The following EPB41L4A variants were observed in gnomAD, a reference collection of about 807,000 sequenced individuals.
EPB41L4A encodes the protein band 4.1-like protein 4A.
Under a neutral mutation model 108.6 loss-of-function variants are expected in EPB41L4A, and 100 were observed. That is an observed-to-expected ratio of 0.92 (90% CI 0.78 to 1.09). EPB41L4A has a LOEUF of 1.09. EPB41L4A is among the 50% of genes least tolerant of loss of function. The pLI is 0.00. For missense variants in EPB41L4A, 1,030 were observed against 842.7 expected (o/e 1.22, Z -2.75); for synonymous variants, 319 against 289.0 (o/e 1.10, Z -1.05).
intron 7 of EPB41L4A, among the ~76,000 whole-genome samples, chr5:112,261,574 G>A (rs758474006): frequency 6.6e-6 from 1 of 152,188 alleles, no homozygotes; most frequent in Non-Finnish European, 1.5e-5. Context: ...GGTAGCCTAA[G>A]AGAAGTAGCT....
intron 15 of EPB41L4A, among the ~76,000 whole-genome samples, chr5:112,199,421 G>C (rs774416944): frequency 2.6e-5 from 4 of 152,146 alleles, no homozygotes; most frequent in Non-Finnish European, 5.9e-5. Flanking sequence ...TCCTTTACCA[G>C]TTAATCTTCA....
rs192254839 is a variant in EPB41L4A at position 112,384,774 on chromosome 5, G to A, written c.99+34167C>T. On this transcript the variant is annotated intron_variant, in intron 1 of 22. Transcript: ENST00000261486. ...AACAAGGAAAGAGAAACGGAAGGAA[G>A]GAAGGAAGGAGAAGAAAAAAAGGAA... 2.7e-5 allele frequency among the ~76,000 whole-genome samples: 4 copies of A among 145,942 alleles called. No homozygotes were observed. In the East Asian group the frequency reaches 7.9e-4, roughly 29 times the overall value.
At chr5:112,294,048 A>T (rs548497936) in intron 2 of EPB41L4A, among the ~76,000 whole-genome samples, 1 of 152,336 alleles carries the variant, frequency 6.6e-6, no homozygotes, top group South Asian at 2.1e-4. Context: ...TCCTTTTATT[A>T]CATACTACAC....
At chr5:112,417,226 G>C (rs1762769423) in intron 1 of EPB41L4A, among the ~76,000 whole-genome samples, 1 of 152,178 alleles carries the variant, frequency 6.6e-6, no homozygotes, top group Middle Eastern at 3.2e-3. Context: ...TTTGATTCAT[G>C]TTTCTTTGAC....
At chr5:112,378,047 C>T (rs1450227923) in intron 1 of EPB41L4A, among the ~76,000 whole-genome samples, 2 of 152,176 alleles carry the variant, frequency 1.3e-5, no homozygotes, top group Non-Finnish European at 2.9e-5. Context: ...TGGTTTTCTA[C>T]CTACAAAGTA....
intron 1 of EPB41L4A, 131 bp from the exon 2 acceptor site, chr5:112,307,621 G>A (rs1580653894): frequency 4.0e-6 from 2 of 499,796 alleles, no homozygotes; most frequent in Non-Finnish European, 6.9e-6. Context: ...GTTCTTCTCT[G>A]TAAGTTGTGC....
chr5:112,210,031 A>C, intron 12 of EPB41L4A, 49 bp from the exon 13 acceptor site: 1 of 1,109,722 alleles, frequency 9.0e-7, no homozygotes, highest in East Asian at 2.5e-5. Context: ...AACAGTGATA[A>C]GGAAATGAAA....
chr5:112,304,076 TG>T (rs2034227652), intron 2 of EPB41L4A, among the ~76,000 whole-genome samples: 1 of 151,984 alleles, frequency 6.6e-6, no homozygotes, highest in South Asian at 2.1e-4. Context: ...GTCAAGAAAG[TG>T]GGAAGTTTCT....
intron 18 of EPB41L4A, among the ~76,000 whole-genome samples, chr5:112,178,048 AAAAAAAC>A (rs953577903): frequency 1.3e-4 from 20 of 152,186 alleles, no homozygotes; most frequent in African/African-American, 4.8e-4. Flanking sequence ...GAATTAAAAA[AAAAAAAC>A]AAAAAGACCA....
rs554555224 is a variant in EPB41L4A at position 112,334,873 on chromosome 5, A to AT, written c.100-27384dup. On this transcript the variant is annotated intron_variant, in intron 1 of 22. Transcript: ENST00000261486. ...CATGTTTTGGATTACAACAGTGAGT[A>AT]TAAGAAAATAAAAACTGATATAAGG... 1.1e-3 allele frequency among the ~76,000 whole-genome samples: 172 copies of AT among 152,312 alleles called. 1 individual carries two copies. The highest frequency in any genetic ancestry group is 3.9e-3 in the South Asian group (19 of 4,834).
intron 21 of EPB41L4A, 79 bp from the exon 22 acceptor site, chr5:112,168,899 T>C: frequency 6.7e-7 from 1 of 1,488,996 alleles, no homozygotes; most frequent in Non-Finnish European, 9.4e-7. Context: ...AACTACAGTG[T>C]AGATATAAAA....
At chr5:112,234,601 TTA>T in intron 12 of EPB41L4A, 31 bp downstream of exon 12, 2 of 1,606,362 alleles carry the variant, frequency 1.2e-6, no homozygotes, top group Non-Finnish European at 1.7e-6. Context: ...GAAAACAAGG[TTA>T]CATAGATAAC....
At chr5:112,147,944 C>T (rs1028340491) in intron 12 of EPB41L4A, among the ~76,000 whole-genome samples, 2 of 151,186 alleles carry the variant, frequency 1.3e-5, no homozygotes, top group Non-Finnish European at 2.9e-5. Context: ...GAAGCTGAGG[C>T]AGGAGAATTG....
chr5:112,145,876 C>T (rs964495334), intron 13 of EPB41L4A: 1 of 455,220 alleles, frequency 2.2e-6, no homozygotes, highest in Admixed American at 2.4e-5. Context: ...CATAATTACA[C>T]TTACATCCCA....
Position 112,163,216 on chromosome 5 carries a change from G to C in EPB41L4A, c.*1774C>G, listed in dbSNP as rs755814160. 1 of 152,230 alleles carries C rather than the reference G, an allele frequency of 6.6e-6. No individual in the cohort carries two copies. Among genetic ancestry groups the C allele is most frequent in the Non-Finnish European group, 1.5e-5 (1 of 68,032 alleles). The allele number at this position is 152,230 out of a possible 1,614,324, so 9.4% of individuals were successfully genotyped here. ...TATAGTTGGATGACAGAGCCAACTA[G>C]ACGTGGTAATAGTGGAGGTGTCCAT... On this transcript the variant is annotated 3_prime_UTR_variant, in exon 23 of 23. Transcript: ENST00000261486.
chr5:112,170,246 G>C (rs1760496234), intron 20 of EPB41L4A, 55 bp downstream of exon 20: 1 of 1,518,282 alleles, frequency 6.6e-7, no homozygotes, highest in South Asian at 1.1e-5. Flanking sequence ...AATTAGAATG[G>C]ATTACTCACA....
chr5:112,193,879 G>C (rs931846225), intron 17 of EPB41L4A, among the ~76,000 whole-genome samples: 1 of 152,186 alleles, frequency 6.6e-6, no homozygotes. Flanking sequence ...AACTCCCCCA[G>C]TTGAGAACCA....
intron 1 of EPB41L4A, among the ~76,000 whole-genome samples, chr5:112,362,467 C>G (rs408127): frequency 0.81 from 122,278 of 151,818 alleles, 49,364 homozygotes; most frequent in South Asian, 0.93. Context: ...TTTTAGTAGA[C>G]ACGGGATTTC....
At chr5:112,241,593 C>T (rs375691602) in intron 9 of EPB41L4A, among the ~76,000 whole-genome samples, 3 of 152,280 alleles carry the variant, frequency 2.0e-5, no homozygotes, top group East Asian at 3.9e-4. Context: ...AGCATAACAA[C>T]TATTTACATA....
Sources: gnomAD v4.1 joint callset for allele counts (sites outside exome capture counted in the v4.1 genomes callset) on GRCh38, gnomAD v4.1.1 for gene constraint, MANE v1.5 for transcripts, NCBI Gene and HGNC (gene_info 2026-07-23, HGNC 2026-07-21) for gene names.